Variants in SENP8 observed in about 807,000 individuals in gnomAD.
SENP8 encodes SUMO peptidase family member, NEDD8 specific, also known as sentrin-specific protease 8.
SENP8 carries 10 observed loss-of-function variants against 14.4 expected under a neutral mutation model. That is an observed-to-expected ratio of 0.69 (90% CI 0.43 to 1.18). SENP8 has a LOEUF of 1.18. Among genes scored for constraint, SENP8 ranks in the 50% most tolerant of loss-of-function variants. The pLI, the probability that SENP8 is intolerant of heterozygous loss-of-function variation, is 0.00. For synonymous variants in SENP8, 94 were observed against 95.5 expected (o/e 0.98, Z 0.09); for missense variants, 202 against 249.4 (o/e 0.81, Z 1.28).
intron 1 of SENP8, chr15:72,134,977 A>C (rs987102141): frequency 6.5e-6 from 2 of 309,902 alleles, no homozygotes; most frequent in Non-Finnish European, 6.3e-6. Flanking sequence ...AAATGATCAG[A>C]AAAAGAAGGA....
chr15:72,121,565 CAA>C (rs11297863), intron 1 of SENP8, among the ~76,000 whole-genome samples: 335 of 141,416 alleles, frequency 2.4e-3, no homozygotes, highest in African/African-American at 4.0e-3. Flanking sequence ...CGTGTCTCTC[CAA>C]AAAAAAAAAA....
rs983056577 is a variant in SENP8, at chr15:72,141,072, T to C, written c.*810T>C. On this transcript the variant is annotated 3_prime_UTR_variant, in exon 2 of 2. Coordinates refer to ENST00000340912, the MANE Select transcript of SENP8 (RefSeq NM_145204.4). ...CACACTTCCTCCTTATATCCAAAGT[T>C]CTTTGGTTCTAAAATTCATAGTTGA... 1 of 162,434 alleles carries C rather than the reference T, an allele frequency of 6.2e-6. No individual in the cohort carries two copies. The highest frequency in any genetic ancestry group is 1.5e-5 in the Non-Finnish European group (1 of 68,102). The allele number at this position is 162,434 out of a possible 1,614,324, so 10.1% of individuals were successfully genotyped here. A position where few individuals can be genotyped will look rare whatever the true frequency, so the allele number is the denominator to read the frequency against.
At chr15:72,119,756 G>GA (rs1434174034) in intron 1 of SENP8, among the ~76,000 whole-genome samples, 5 of 151,594 alleles carry the variant, frequency 3.3e-5, no homozygotes, top group South Asian at 2.1e-4. Context: ...CCCGCCCCCA[G>GA]AAAAAAAAGA....
chr15:72,130,005 G>T (rs2081257751), intron 1 of SENP8, among the ~76,000 whole-genome samples: 1 of 151,940 alleles, frequency 6.6e-6, no homozygotes, highest in Admixed American at 6.5e-5. Flanking sequence ...GGCCAACATG[G>T]TGAAACCCCG....
At chr15:72,137,033 A>T (rs1368346847) in intron 1 of SENP8, among the ~76,000 whole-genome samples, 3 of 152,196 alleles carry the variant, frequency 2.0e-5, no homozygotes, top group African/African-American at 7.2e-5. Context: ...TTTAGACAAG[A>T]TAATGTGAAT....
chr15:72,138,164 C>T (rs1435087689), intron 1 of SENP8, among the ~76,000 whole-genome samples: 1 of 152,014 alleles, frequency 6.6e-6, no homozygotes, highest in Non-Finnish European at 1.5e-5. Context: ...ATTTTAATCT[C>T]TGTGCTTCAA....
intron 1 of SENP8, among the ~76,000 whole-genome samples, chr15:72,125,740 AGT>A (rs367888528): frequency 6.6e-6 from 1 of 151,718 alleles, no homozygotes. Context: ...GTTAGCCTCT[AGT>A]GTGTGTGTGT....
chr15:72,124,305 A>G (rs1220615053), intron 1 of SENP8, among the ~76,000 whole-genome samples: 1 of 152,210 alleles, frequency 6.6e-6, no homozygotes, highest in Non-Finnish European at 1.5e-5. Context: ...GTAAAATCTA[A>G]TCTGTGTACT....
intron 1 of SENP8, among the ~76,000 whole-genome samples, chr15:72,129,496 G>A (rs2081250984): frequency 6.6e-6 from 1 of 150,902 alleles, no homozygotes; most frequent in African/African-American, 2.4e-5. Context: ...CCGAGTAGCT[G>A]GGATTACAGG....
intron 1 of SENP8, among the ~76,000 whole-genome samples, chr15:72,131,055 T>C (rs1394873304): frequency 6.6e-6 from 1 of 152,002 alleles, no homozygotes; most frequent in East Asian, 1.9e-4. Flanking sequence ...TCCCCACAGA[T>C]AGGTGGGCAT....
intron 1 of SENP8, among the ~76,000 whole-genome samples, chr15:72,132,301 G>A (rs192790911): frequency 6.6e-6 from 1 of 151,650 alleles, no homozygotes; most frequent in African/African-American, 2.4e-5. Flanking sequence ...AACTCTAAAC[G>A]AATTTACTAT....
intron 1 of SENP8, chr15:72,134,757 C>T (rs773413516): frequency 7.8e-5 from 19 of 242,840 alleles, no homozygotes; most frequent in Admixed American, 3.3e-4. Context: ...AATATGATAT[C>T]GTAGACATCA....
At chr15:72,128,356 G>C (rs2081240421) in intron 1 of SENP8, among the ~76,000 whole-genome samples, 1 of 152,122 alleles carries the variant, frequency 6.6e-6, no homozygotes, top group African/African-American at 2.4e-5. Context: ...GCATAAGCTT[G>C]TGCTCATTCC....
chr15:72,116,469 T>C (rs1167730800), upstream of SENP8, among the ~76,000 whole-genome samples: 2 of 152,220 alleles, frequency 1.3e-5, no homozygotes, highest in Admixed American at 6.5e-5. Flanking sequence ...TTGTTGGTAA[T>C]GACCTCAGTG....
Position 72,142,775 on chromosome 15 carries a change from C to G in SENP8, c.*2513C>G, listed in dbSNP as rs559711296. 1 of 152,326 alleles carries G rather than the reference C, an allele frequency of 6.6e-6. No homozygotes were observed. The highest frequency in any genetic ancestry group is 1.5e-5 in the Non-Finnish European group (1 of 68,040). 9.4% of individuals were successfully genotyped at this position (152,326 alleles called of 1,614,324 possible). On this transcript the variant is annotated 3_prime_UTR_variant, in exon 2 of 2. Transcript: ENST00000340912. ...TCACAAGCGCTGGTCCTAACCAGATCAGATAAAGTGGATTATGTTTCTGAT... is the reference window on the plus strand; with the variant it reads ...TCACAAGCGCTGGTCCTAACCAGATGAGATAAAGTGGATTATGTTTCTGAT...
At chr15:72,119,545 G>T (rs548681253) in intron 1 of SENP8, among the ~76,000 whole-genome samples, 5 of 152,160 alleles carry the variant, frequency 3.3e-5, no homozygotes, top group African/African-American at 1.2e-4. Flanking sequence ...TCAAGAGATC[G>T]AGACCATCCA....
At chr15:72,134,166 G>A (rs745675667) in intron 1 of SENP8, among the ~76,000 whole-genome samples, 14 of 152,196 alleles carry the variant, frequency 9.2e-5, no homozygotes, top group African/African-American at 2.2e-4. Context: ...GGCTGGTCTC[G>A]AACTCCTAAG....
intron 1 of SENP8, among the ~76,000 whole-genome samples, chr15:72,125,966 A>G (rs549864723): frequency 1.8e-3 from 273 of 152,058 alleles, no homozygotes; most frequent in African/African-American, 6.3e-3. Context: ...TGAGATTACA[A>G]GTATGCACTA....
At chr15:72,118,008 A>G (rs4777487), upstream of SENP8, 389,750 of 398,442 alleles carry the variant, frequency 0.98, 191,181 homozygotes, top group East Asian at 1. Flanking sequence ...CGCCTCTCGC[A>G]GTCCGGGCTG....
Sources: allele counts gnomAD v4.1 joint callset (sites outside exome capture counted in the v4.1 genomes callset), GRCh38; gene constraint gnomAD v4.1.1; transcripts MANE v1.5; gene names NCBI Gene and HGNC (gene_info 2026-07-23, HGNC 2026-07-21).